The following GAS7 variants were observed in gnomAD, a reference collection of about 807,000 sequenced individuals.
The protein encoded by GAS7 is growth arrest specific 7, also known as growth arrest-specific protein 7.
A neutral mutation model predicts 71.1 loss-of-function variants in GAS7; 28 were observed. The observed-to-expected ratio is 0.39, with a 90% CI of 0.29 to 0.54. The LOEUF is 0.54. GAS7 is among the 20% of genes least tolerant of loss of function. The probability of loss-of-function intolerance (pLI) is 0.62; values close to 1 mark genes in which losing one functional copy is unlikely to be tolerated. For synonymous variants in GAS7, 258 were observed against 245.8 expected (o/e 1.05, Z -0.46); for missense variants, 436 against 627.8 (o/e 0.69, Z 3.27).
intron 1 of GAS7, among the ~76,000 whole-genome samples, chr17:10,020,782 G>A (rs1443979232): frequency 6.6e-6 from 1 of 152,130 alleles, no homozygotes; most frequent in Non-Finnish European, 1.5e-5. Flanking sequence ...GCGTGGTGGT[G>A]TGCGCCTGTA....
intron 5 of GAS7, among the ~76,000 whole-genome samples, chr17:9,955,712 G>A (rs528987697): frequency 1.3e-5 from 2 of 152,338 alleles, no homozygotes; most frequent in South Asian, 4.1e-4. Flanking sequence ...GCTCAAAAAG[G>A]AAGGGTGCTC....
chr17:10,085,409 C>A (rs1364090142), intron 1 of GAS7, among the ~76,000 whole-genome samples: 1 of 152,226 alleles, frequency 6.6e-6, no homozygotes, highest in East Asian at 1.9e-4. Context: ...ACCAGCCGGG[C>A]GCAGTGGCTC....
intron 1 of GAS7, among the ~76,000 whole-genome samples, chr17:10,193,043 T>C (rs2074514231): frequency 6.6e-6 from 1 of 152,174 alleles, no homozygotes; most frequent in Non-Finnish European, 1.5e-5. Context: ...AGGCTCTGTA[T>C]TAAAATCAAT....
At chr17:10,091,357 G>A (rs534001180) in intron 1 of GAS7, among the ~76,000 whole-genome samples, 2 of 152,122 alleles carry the variant, frequency 1.3e-5, no homozygotes, top group African/African-American at 2.4e-5. Flanking sequence ...AAATGCCACC[G>A]AACTGTTTAC....
chr17:10,093,014 A>G (rs772880885), intron 1 of GAS7, among the ~76,000 whole-genome samples: 11 of 152,188 alleles, frequency 7.2e-5, no homozygotes, highest in Non-Finnish European at 1.0e-4. Context: ...CACAGACTCT[A>G]AGGATAAGGA....
At chr17:9,928,279 A>AT (rs547589875) in intron 9 of GAS7, among the ~76,000 whole-genome samples, 52,052 of 137,544 alleles carry the variant, frequency 0.38, 9,829 homozygotes, top group Non-Finnish European at 0.41. Context: ...CGCCCGGCTA[A>AT]TTTTTTTTTT....
chr17:10,107,901 A>G (rs529939215), intron 1 of GAS7, among the ~76,000 whole-genome samples: 2 of 151,504 alleles, frequency 1.3e-5, no homozygotes, highest in Non-Finnish European at 2.9e-5. Flanking sequence ...TGCCTTACAC[A>G]GTCCAGTGGT....
chr17:10,104,185 C>G (rs2073735995), intron 1 of GAS7, among the ~76,000 whole-genome samples: 1 of 152,170 alleles, frequency 6.6e-6, no homozygotes, highest in South Asian at 2.1e-4. Flanking sequence ...ACTGAGCCTA[C>G]TCTCCACAAT....
intron 2 of GAS7, among the ~76,000 whole-genome samples, chr17:10,019,512 C>T (rs2072177549): frequency 6.6e-6 from 1 of 152,050 alleles, no homozygotes; most frequent in Non-Finnish European, 1.5e-5. Context: ...ACACAGATAC[C>T]CAGGGTGGAC....
intron 1 of GAS7, among the ~76,000 whole-genome samples, chr17:10,084,643 T>C (rs2073497161): frequency 1.3e-5 from 2 of 152,222 alleles, no homozygotes; most frequent in South Asian, 4.1e-4. Context: ...ATATTTGTAT[T>C]TTTAGTAGAG....
intron 11 of GAS7, among the ~76,000 whole-genome samples, chr17:9,922,155 C>T (rs894568955): frequency 6.6e-6 from 1 of 151,688 alleles, no homozygotes; most frequent in African/African-American, 2.4e-5. Context: ...TAGAGATGGG[C>T]GTAGAGAGCC....
intron 1 of GAS7, among the ~76,000 whole-genome samples, chr17:10,131,081 G>A (rs1184724280): frequency 6.6e-6 from 1 of 152,142 alleles, no homozygotes; most frequent in Non-Finnish European, 1.5e-5. Context: ...CCACACCCAA[G>A]CCAAGGCCAC....
chr17:10,068,108 A>G (rs1377816502), intron 1 of GAS7, among the ~76,000 whole-genome samples: 3 of 152,172 alleles, frequency 2.0e-5, no homozygotes, highest in African/African-American at 4.8e-5. Flanking sequence ...ACACACTCCA[A>G]TACTTCCTCC....
intron 1 of GAS7, among the ~76,000 whole-genome samples, chr17:10,119,423 G>T (rs2073888118): frequency 6.6e-6 from 1 of 152,238 alleles, no homozygotes; most frequent in South Asian, 2.1e-4. Context: ...GGAGACAGAG[G>T]TTAAGACAAC....
chr17:10,033,471 C>A (rs1194354376), intron 1 of GAS7, among the ~76,000 whole-genome samples: 1 of 152,198 alleles, frequency 6.6e-6, no homozygotes, highest in Non-Finnish European at 1.5e-5. Context: ...TACCAAGCGT[C>A]CTATTGCATT....
At chr17:10,174,374 T>C (rs2074356185) in intron 1 of GAS7, among the ~76,000 whole-genome samples, 1 of 152,100 alleles carries the variant, frequency 6.6e-6, no homozygotes, top group Non-Finnish European at 1.5e-5. Context: ...AACAGAGACC[T>C]GGATGCAGAA....
chr17:10,099,562 G>A (rs1328276636), intron 1 of GAS7, among the ~76,000 whole-genome samples: 1 of 152,154 alleles, frequency 6.6e-6, no homozygotes, highest in Non-Finnish European at 1.5e-5. Flanking sequence ...CTCCTCCAAT[G>A]TACTTTTTTT....
Position 10,019,714 on chromosome 17 carries a change from G to C in GAS7, c.304+63C>G, listed in dbSNP as rs549951489. The C allele has an allele frequency of 2.7e-6, 4 of 1,508,746 alleles. No homozygotes were observed. In the African/African-American group the frequency reaches 4.2e-5, roughly 16 times the overall value. The allele number at this position is 1,508,746 out of a possible 1,614,324, so 93.5% of individuals were successfully genotyped here. On this transcript the variant is annotated intron_variant, in intron 2 of 13. Coordinates refer to ENST00000432992, the MANE Select transcript of GAS7 (RefSeq NM_201433.2). Reference sequence around the variant, plus strand: ...GAGGCGAAGAAGGGAGAAAAAACGTGCCCCTCTAGAGAGCCAGAATGCCAG... The same window carrying C: ...GAGGCGAAGAAGGGAGAAAAAACGTCCCCCTCTAGAGAGCCAGAATGCCAG...
intron 1 of GAS7, among the ~76,000 whole-genome samples, chr17:10,027,600 T>C (rs562622595): frequency 3.3e-5 from 5 of 152,236 alleles, no homozygotes; most frequent in Non-Finnish European, 5.9e-5. Flanking sequence ...CCTTCCACCA[T>C]GTGAGGACAC....
Sources: gnomAD v4.1 joint callset for allele counts (sites outside exome capture counted in the v4.1 genomes callset) on GRCh38, gnomAD v4.1.1 for gene constraint, MANE v1.5 for transcripts, NCBI Gene and HGNC (gene_info 2026-07-23, HGNC 2026-07-21) for gene names.